The following KAZN variants were observed in gnomAD, a reference collection of about 807,000 sequenced individuals.
KAZN encodes the protein kazrin.
In KAZN, 40 loss-of-function variants were observed where a neutral mutation model predicts 87.4. The observed-to-expected ratio is 0.46, with a 90% CI of 0.36 to 0.60. The LOEUF (loss-of-function observed/expected upper bound fraction) is 0.60, where lower values mean the gene tolerates loss of function less well. KAZN is among the 20% of genes least tolerant of loss of function. The pLI is 0.00. For missense variants in KAZN, 898 were observed against 1,073.9 expected (o/e 0.84, Z 2.29); for synonymous variants, 466 against 458.3 (o/e 1.02, Z -0.22).
chr1:14,092,643 A>G (rs1644031198), intron 1 of KAZN, among the ~76,000 whole-genome samples: 1 of 151,268 alleles, frequency 6.6e-6, no homozygotes, highest in Non-Finnish European at 1.5e-5. Context: ...TTACACACAC[A>G]CACGCACTGG....
intron 1 of KAZN, among the ~76,000 whole-genome samples, chr1:13,919,727 G>T (rs1313392026): frequency 6.6e-6 from 1 of 152,194 alleles, no homozygotes. Flanking sequence ...GTGCATGCCA[G>T]TCTTTGGGGC....
chr1:14,539,842 T>C (rs1672706396), intron 2 of KAZN, among the ~76,000 whole-genome samples: 1 of 152,180 alleles, frequency 6.6e-6, no homozygotes, highest in Non-Finnish European at 1.5e-5. Flanking sequence ...AAATTAACTT[T>C]CATAATTTTT....
intron 1 of KAZN, among the ~76,000 whole-genome samples, chr1:14,694,016 G>T (rs978313237): frequency 3.3e-5 from 5 of 152,366 alleles, no homozygotes; most frequent in Admixed American, 3.3e-4. Flanking sequence ...CACCAAGCTA[G>T]AAGGAGATGG....
chr1:13,910,538 A>G (rs6429803), intron 1 of KAZN, among the ~76,000 whole-genome samples: 5 of 150,396 alleles, frequency 3.3e-5, no homozygotes, highest in African/African-American at 4.9e-5. Flanking sequence ...CACCTCCCCC[A>G]CCTTGCTCCT....
At chr1:14,600,025 CG>C (rs1194782267) in intron 1 of KAZN, among the ~76,000 whole-genome samples, 1 of 152,084 alleles carries the variant, frequency 6.6e-6, no homozygotes, top group East Asian at 1.9e-4. Flanking sequence ...GACATAAAGG[CG>C]GATGGGGCAT....
chr1:15,017,415 C>T (rs935650251), intron 2 of KAZN, among the ~76,000 whole-genome samples: 11 of 152,210 alleles, frequency 7.2e-5, no homozygotes, highest in African/African-American at 4.8e-5. Context: ...TGGCTAAGTC[C>T]TATTTATCTT....
At chr1:14,475,841 A>AT (rs111276598) in intron 2 of KAZN, among the ~76,000 whole-genome samples, 9,355 of 150,662 alleles carry the variant, frequency 0.062, 514 homozygotes, top group African/African-American at 0.15. Flanking sequence ...ATTTTGTGGG[A>AT]TTTTTTTTTT....
chr1:14,219,491 C>T (rs993110741), intron 2 of KAZN, among the ~76,000 whole-genome samples: 20 of 152,128 alleles, frequency 1.3e-4, no homozygotes, highest in African/African-American at 4.8e-4. Context: ...ATTAATTTCT[C>T]CAATAGGTTT....
chr1:14,760,002 AC>A (rs1644691365), intron 1 of KAZN, among the ~76,000 whole-genome samples: 1 of 151,682 alleles, frequency 6.6e-6, no homozygotes, highest in Non-Finnish European at 1.5e-5. Flanking sequence ...TCCTCCCGTG[AC>A]TGACCCACCT....
In KAZN at chr1:14,418,573, G is replaced by C. The variant is rs544270809; in HGVS notation, c.250-180410G>C. ...AACCAGTCAGAATTTATCACCATCA[G>C]GCAAGGAAAATGAGTTTGCCTCTAG... On this transcript the variant is annotated intron_variant, in intron 2 of 16. Coordinates refer to the KAZN transcript ENST00000636203. Among the ~76,000 whole-genome samples, 207 of 152,264 alleles carry C rather than the reference G, an allele frequency of 1.4e-3. 4 individuals are homozygous for C. Among genetic ancestry groups the C allele is most frequent in the Non-Finnish European group, 2.1e-4 (14 of 68,030 alleles).
chr1:14,867,855 A>G (rs760950420), intron 1 of KAZN, among the ~76,000 whole-genome samples: 1 of 125,822 alleles, frequency 7.9e-6, no homozygotes, highest in Non-Finnish European at 1.8e-5. Context: ...AGTGATGTAT[A>G]TAAGGCTGTG....
intron 2 of KAZN, among the ~76,000 whole-genome samples, chr1:14,189,402 G>C (rs968765625): frequency 6.6e-6 from 1 of 152,146 alleles, no homozygotes; most frequent in Non-Finnish European, 1.5e-5. Flanking sequence ...ATTTGTATCC[G>C]TGACTGCTGC....
intron 2 of KAZN, among the ~76,000 whole-genome samples, chr1:14,558,067 C>T (rs1489289317): frequency 6.6e-6 from 1 of 152,148 alleles, no homozygotes; most frequent in East Asian, 1.9e-4. Context: ...GATAACATAC[C>T]AACATTAGAA....
At chr1:14,060,110 A>G (rs376582381) in intron 1 of KAZN, among the ~76,000 whole-genome samples, 64 of 150,496 alleles carry the variant, frequency 4.3e-4, no homozygotes, top group African/African-American at 1.5e-3. Flanking sequence ...CACGCCTGTA[A>G]TCCAGCACTT....
chr1:14,210,915 A>G (rs1320464679), intron 2 of KAZN, among the ~76,000 whole-genome samples: 1 of 152,156 alleles, frequency 6.6e-6, no homozygotes, highest in Admixed American at 6.5e-5. Context: ...TTCATATGTC[A>G]ATGTAGCCTC....
intron 2 of KAZN, among the ~76,000 whole-genome samples, chr1:14,980,650 C>A (rs1251735417): frequency 2.0e-5 from 3 of 152,148 alleles, no homozygotes; most frequent in Non-Finnish European, 4.4e-5. Flanking sequence ...TGCGAGGACA[C>A]AACAGGCCCC....
chr1:13,986,516 G>T (rs1639025178), intron 1 of KAZN, among the ~76,000 whole-genome samples: 1 of 152,146 alleles, frequency 6.6e-6, no homozygotes, highest in African/African-American at 2.4e-5. Context: ...GACCTTTCTT[G>T]CATTGAGACT....
intron 1 of KAZN, among the ~76,000 whole-genome samples, chr1:14,829,049 C>G (rs1215131288): frequency 1.3e-5 from 2 of 152,144 alleles, no homozygotes; most frequent in Non-Finnish European, 2.9e-5. Context: ...GTGGCTTAAG[C>G]CATTAGTTCA....
At chr1:15,045,477 A>G (rs523807) in intron 4 of KAZN, among the ~76,000 whole-genome samples, 51,835 of 152,100 alleles carry the variant, frequency 0.34, 9,803 homozygotes, top group East Asian at 0.58. Flanking sequence ...AGCTAAATCC[A>G]TGTATAACTT....
Sources: gnomAD v4.1 joint callset for allele counts (sites outside exome capture counted in the v4.1 genomes callset) on GRCh38, gnomAD v4.1.1 for gene constraint, MANE v1.5 for transcripts, NCBI Gene and HGNC (gene_info 2026-07-23, HGNC 2026-07-21) for gene names.